The following ZNF536 variants were observed in gnomAD, a reference collection of about 807,000 sequenced individuals.
ZNF536 encodes zinc finger protein 536.
A neutral mutation model predicts 84.5 loss-of-function variants in ZNF536; 13 were observed. The ratio of observed to expected loss-of-function variants is 0.15; its 90% CI spans 0.10 to 0.24. The LOEUF is 0.24. Ranked by LOEUF, ZNF536 falls within the 10% of genes least tolerant of loss-of-function variation. The probability of loss-of-function intolerance (pLI) is 1.00; values close to 1 mark genes in which losing one functional copy is unlikely to be tolerated. For missense variants in ZNF536, 1,536 were observed against 1,747.5 expected, an observed-to-expected ratio of 0.88 and a Z score of 2.16; for synonymous variants, 811 against 742.5, an observed-to-expected ratio of 1.09 and a Z score of -1.50.
chr19:30,342,362 C>T (rs965751424), intron 2 of ZNF536, among the ~76,000 whole-genome samples: 2 of 152,152 alleles, frequency 1.3e-5, no homozygotes, highest in Non-Finnish European at 2.9e-5. Flanking sequence ...ATCATTTTGG[C>T]CCATTCACAA....
At chr19:30,247,519 G>A (rs1245004847) in intron 1 of ZNF536, among the ~76,000 whole-genome samples, 1 of 152,164 alleles carries the variant, frequency 6.6e-6, no homozygotes, top group Non-Finnish European at 1.5e-5. Context: ...CTCGAACCTG[G>A]AGACATGGTT....
chr19:30,355,448 C>T (rs889870960), intron 3 of ZNF536, among the ~76,000 whole-genome samples: 17 of 151,958 alleles, frequency 1.1e-4, no homozygotes, highest in South Asian at 2.1e-4. Flanking sequence ...AGTGCAGTGG[C>T]GTGATTTTGG....
chr19:30,336,636 G>C (rs1004838212), intron 2 of ZNF536, among the ~76,000 whole-genome samples: 1 of 152,122 alleles, frequency 6.6e-6, no homozygotes, highest in Non-Finnish European at 1.5e-5. Context: ...ATGGGCCAAG[G>C]TGTGCAGGTA....
chr19:30,238,871 G>A (rs968446010), intron 1 of ZNF536, among the ~76,000 whole-genome samples: 3 of 151,778 alleles, frequency 2.0e-5, no homozygotes, highest in African/African-American at 7.3e-5. Context: ...ACATACCAGA[G>A]ACTCCCCTAA....
chr19:30,340,779 G>A (rs1831308506), intron 2 of ZNF536, among the ~76,000 whole-genome samples: 1 of 152,156 alleles, frequency 6.6e-6, no homozygotes, highest in South Asian at 2.1e-4. Context: ...AGTGCATTGA[G>A]GTTGCAGGTA....
In ZNF536 at chr19:30,548,306, A is replaced by G. The variant is rs1253587490; in HGVS notation, c.2687A>G (p.His896Arg). The G allele has an allele frequency of 2.5e-6, 4 of 1,614,070 alleles. No homozygotes were observed. Among genetic ancestry groups the G allele is most frequent in the Non-Finnish European group, 3.4e-6 (4 of 1,180,040 alleles). Reference protein sequence around the residue: ...KGTDLPSKSTHFSEIGRAYQS... With the variant: ...KGTDLPSKSTRFSEIGRAYQS... Reference sequence around the variant, plus strand: ...ACTGACCTTCCTTCCAAAAGCACCCACTTCTCTGAGATCGGAAGAGCTTAT... The same window carrying G: ...ACTGACCTTCCTTCCAAAAGCACCCGCTTCTCTGAGATCGGAAGAGCTTAT... Residue 896 changes from histidine (H) to arginine (R), a missense_variant, in exon 4 of 5, where the codon CAC (histidine) becomes CGC (arginine). Transcript: ENST00000355537.
chr19:30,286,518 C>T (rs1186222977), intron 2 of ZNF536, among the ~76,000 whole-genome samples: 2 of 137,000 alleles, frequency 1.5e-5, no homozygotes, highest in African/African-American at 6.0e-5. Flanking sequence ...GAAAGAGAGA[C>T]AGAGACAGAG....
chr19:30,235,101 TG>T (rs1353588738), intron 1 of ZNF536, among the ~76,000 whole-genome samples: 3 of 152,178 alleles, frequency 2.0e-5, no homozygotes, highest in Non-Finnish European at 4.4e-5. Flanking sequence ...TGGCCACTAT[TG>T]GGTGGTGACC....
chr19:30,587,564 A>G (rs541122043), intron 1 of ZNF536, among the ~76,000 whole-genome samples: 1 of 152,288 alleles, frequency 6.6e-6, no homozygotes, highest in African/African-American at 2.4e-5. Flanking sequence ...GCCTGGTTAG[A>G]CTGTCCTGGG....
At chr19:30,255,173 T>G (rs1305678241) in intron 1 of ZNF536, among the ~76,000 whole-genome samples, 1 of 152,192 alleles carries the variant, frequency 6.6e-6, no homozygotes, top group Non-Finnish European at 1.5e-5. Context: ...CCCCCCTTTT[T>G]TTCATTCAAA....
chr19:30,592,409 A>G (rs1031582117), intron 1 of ZNF536, among the ~76,000 whole-genome samples: 17 of 152,148 alleles, frequency 1.1e-4, no homozygotes, highest in Admixed American at 8.5e-4. Context: ...AGGATGTGGA[A>G]AGAAAATGGG....
chr19:30,679,273 C>A (rs956981589), intron 1 of ZNF536, among the ~76,000 whole-genome samples: 1 of 152,194 alleles, frequency 6.6e-6, no homozygotes, highest in Non-Finnish European at 1.5e-5. Context: ...CCTTAACCAC[C>A]GCTTCACAGC....
At chr19:30,625,191 G>A (rs1395906937) in intron 1 of ZNF536, among the ~76,000 whole-genome samples, 4 of 152,172 alleles carry the variant, frequency 2.6e-5, no homozygotes, top group Admixed American at 1.3e-4. Flanking sequence ...AGGTAACCAA[G>A]CACAGCTGAG....
chr19:30,529,590 T>C (rs1175199391), intron 2 of ZNF536, among the ~76,000 whole-genome samples: 1 of 152,144 alleles, frequency 6.6e-6, no homozygotes, highest in East Asian at 1.9e-4. Flanking sequence ...TGCTATAGAC[T>C]CGGAGGATAA....
intron 2 of ZNF536, among the ~76,000 whole-genome samples, chr19:30,480,230 C>T (rs185557848): frequency 9.9e-5 from 15 of 152,248 alleles, no homozygotes; most frequent in African/African-American, 3.6e-4. Flanking sequence ...CTTTGTCATC[C>T]ATCTCAGGCT....
intron 1 of ZNF536, among the ~76,000 whole-genome samples, chr19:30,238,301 A>T (rs1041614973): frequency 2.0e-5 from 3 of 152,020 alleles, no homozygotes; most frequent in Non-Finnish European, 4.4e-5. Context: ...CTATTGGCTG[A>T]TTGATTTCCT....
intron 1 of ZNF536, among the ~76,000 whole-genome samples, chr19:30,688,363 G>C (rs2051279878): frequency 6.6e-6 from 1 of 152,172 alleles, no homozygotes; most frequent in Non-Finnish European, 1.5e-5. Context: ...TGAGTGTCAA[G>C]GGACTTTTGT....
intron 1 of ZNF536, among the ~76,000 whole-genome samples, chr19:30,604,221 A>G (rs1203379626): frequency 6.6e-6 from 1 of 152,250 alleles, no homozygotes; most frequent in Non-Finnish European, 1.5e-5. Context: ...ATGCTAAAAC[A>G]ATAAAATACA....
At chr19:30,381,201 C>T (rs911943144) in intron 1 of ZNF536, among the ~76,000 whole-genome samples, 1 of 152,172 alleles carries the variant, frequency 6.6e-6, no homozygotes, top group Non-Finnish European at 1.5e-5. Flanking sequence ...TAATAATCAG[C>T]ACAAACCATG....
Sources: allele counts gnomAD v4.1 joint callset (sites outside exome capture counted in the v4.1 genomes callset), GRCh38; gene constraint gnomAD v4.1.1; transcripts MANE v1.5; gene names NCBI Gene and HGNC (gene_info 2026-07-23, HGNC 2026-07-21).